The following ABCA5 variants were observed in gnomAD, a reference collection of about 807,000 sequenced individuals.
The protein encoded by ABCA5 is ATP binding cassette subfamily A member 5, also known as cholesterol transporter ABCA5.
In ABCA5, 163 loss-of-function variants were observed where a neutral mutation model predicts 206.0. The ratio of observed to expected loss-of-function variants is 0.79; its 90% CI spans 0.70 to 0.90. ABCA5 has a LOEUF of 0.90. ABCA5 is among the 40% of genes least tolerant of loss of function. ABCA5 has a pLI of 0.00. For missense variants in ABCA5, 1,859 were observed against 1,912.9 expected (o/e 0.97, Z 0.53); for synonymous variants, 609 against 613.8 (o/e 0.99, Z 0.11).
chr17:69,294,153 T>C (rs2075559977), intron 11 of ABCA5, among the ~76,000 whole-genome samples: 1 of 152,222 alleles, frequency 6.6e-6, no homozygotes, highest in South Asian at 2.1e-4. Context: ...TAATAGATAC[T>C]ACATTTTACT....
rs753911623 is a variant in ABCA5, at chr17:69,304,754, G to T, written c.845C>A (p.Ala282Glu). 3.7e-6 allele frequency: 6 copies of T among 1,608,516 alleles called. No individual in the cohort carries two copies. The East Asian group carries it at 1.1e-4, about 30-fold the overall frequency. The change falls in exon 7 of 39, where the codon GCA (alanine) becomes GAA (glutamate). Residue 282 changes from alanine to glutamate, a missense_variant. By Grantham distance (107) the Ala-to-Glu change is moderately radical. Transcript: ENST00000392676. ...TAACAAAGAAGCTGTCGCAATGACT[G>T]CCATAAGAAGGGACATAAGAAAAAT... ...SLIFLMSLLM[A>E]VIATASLLFP...
At chr17:69,316,009 T>C (rs2075812807) in intron 1 of ABCA5, among the ~76,000 whole-genome samples, 1 of 151,398 alleles carries the variant, frequency 6.6e-6, no homozygotes, top group African/African-American at 2.4e-5. Flanking sequence ...AAAAACACAA[T>C]AAGAAATAAA....
intron 20 of ABCA5, 144 bp from the exon 21 acceptor site, chr17:69,271,433 A>G: frequency 1.1e-6 from 1 of 911,912 alleles, no homozygotes; most frequent in Non-Finnish European, 1.6e-6. Flanking sequence ...GAAGCCAGTC[A>G]GCCTGGTTTT....
chr17:69,274,069 G>A lies in ABCA5; in HGVS notation c.2654C>T (p.Ser885Phe), dbSNP rs1025689034. Reference sequence around the variant, plus strand: ...GATGGGAACCACAGCATTTTTAAAAGAGTGATGAACCAAAAACATAAAAAT... The same window carrying A: ...GATGGGAACCACAGCATTTTTAAAAAAGTGATGAACCAAAAACATAAAAAT... The part of the protein sequence containing the change: ...VQIFMFLVHH[S>F]FKNAVVPIKL... Residue 885 changes from serine to phenylalanine, a missense_variant, in exon 20 of 39, where the codon TCT becomes TTT. Transcript: ENST00000392676. 6.2e-7 allele frequency: 1 copy of A among 1,605,764 alleles called. No homozygotes were observed. The highest frequency in any genetic ancestry group is 1.3e-5 in the African/African-American group (1 of 74,242).
rs1316372449 is a variant in ABCA5 at position 69,286,223 on chromosome 17, C to G, written c.2130G>C (p.Leu710=). The stretch of plus-strand genomic sequence containing the variant: ...ATGTCAATAAAAATGAATGATACCT[C>G]AGGCGGTAGCCGATCCCCCATTTAC... ...LKSKWGIGYR[L]SMYIDKYCAT... The change falls in exon 16 of 39, where the codon CTG becomes CTC. Residue 710 remains leucine (L), a splice_region_variant and synonymous_variant. Transcript: ENST00000392676. 3 of 1,602,078 alleles carry G rather than the reference C, an allele frequency of 1.9e-6. No individual in the cohort carries two copies. The highest frequency in any genetic ancestry group is 2.3e-5 in the South Asian group (2 of 88,384).
At chr17:69,303,246 T>C (rs979808748) in intron 7 of ABCA5, among the ~76,000 whole-genome samples, 2 of 152,128 alleles carry the variant, frequency 1.3e-5, no homozygotes, top group African/African-American at 2.4e-5. Context: ...GCCTCCCGTG[T>C]AGCTGGGATT....
At chr17:69,267,414 A>G (rs971838564) in intron 23 of ABCA5, among the ~76,000 whole-genome samples, 2 of 152,218 alleles carry the variant, frequency 1.3e-5, no homozygotes, top group Non-Finnish European at 2.9e-5. Flanking sequence ...AGGCGTAAAA[A>G]GAAAGTGAAA....
intron 21 of ABCA5, 132 bp from the exon 22 acceptor site, chr17:69,270,882 T>C: frequency 1.2e-6 from 1 of 847,378 alleles, no homozygotes; most frequent in South Asian, 2.4e-5. Context: ...ACAGAAATAA[T>C]ACTCAATGAC....
intron 11 of ABCA5, 146 bp from the exon 12 acceptor site, chr17:69,291,472 C>T: frequency 2.1e-6 from 1 of 470,758 alleles, no homozygotes; most frequent in Non-Finnish European, 3.7e-6. Flanking sequence ...GCAGGTAAAA[C>T]AGCTTCTTTG....
chr17:69,277,119 G>A (rs2075341190), intron 19 of ABCA5, among the ~76,000 whole-genome samples: 1 of 152,116 alleles, frequency 6.6e-6, no homozygotes, highest in South Asian at 2.1e-4. Flanking sequence ...AACTTGAGAT[G>A]TCATTTTGAT....
chr17:69,273,456 T>TATTTATTTATTTATTTATTTATTTATTG, intron 20 of ABCA5, among the ~76,000 whole-genome samples: 1 of 150,676 alleles, frequency 6.6e-6, no homozygotes, highest in Admixed American at 6.6e-5. Flanking sequence ...ACTATTTATT[T>TATTTATTTATTTATTTATTTATTTATTG]ATTTATTTAT....
chr17:69,290,077 T>G, intron 12 of ABCA5, 40 bp from the exon 13 acceptor site: 1 of 1,315,598 alleles, frequency 7.6e-7, no homozygotes, highest in Non-Finnish European at 1.0e-6. Flanking sequence ...ATTAATTATT[T>G]TATAATGTGT....
Position 69,284,042 on chromosome 17 carries a change from T to C in ABCA5, c.2303A>G (p.Asn768Ser), listed in dbSNP as rs761146694. ...AACACCATAAGAAATGACACCCAAA[T>C]TTGAATGACTGTCTAGGGCAGAAAA... ...GLFSALDSHS[N>S]LGVISYGVSM... The change falls in exon 18 of 39, where the codon AAT becomes AGT. Residue 768 changes from asparagine (N) to serine (S), a missense_variant. Coordinates refer to ENST00000392676, the MANE Select transcript of ABCA5 (RefSeq NM_172232.4). The C allele has an allele frequency of 2.5e-6, 4 of 1,605,718 alleles. No individual in the cohort carries two copies. The African/African-American group carries it at 4.0e-5, about 16-fold the overall frequency.
At chr17:69,288,289 A>G (rs955515674) in intron 14 of ABCA5, among the ~76,000 whole-genome samples, 7 of 152,268 alleles carry the variant, frequency 4.6e-5, no homozygotes, top group African/African-American at 1.7e-4. Flanking sequence ...TCCTAGCTGC[A>G]TGCATGCACC....
rs546921801 is a variant in ABCA5 at position 69,284,176 on chromosome 17, T to C, written c.2273-104A>G. ...GTTCATGAACAGCCTGTGAAACATA[T>C]CATGACCCATCTCTACAAAAAATAA... is the stretch of plus-strand genomic sequence containing the variant. On this transcript the variant is annotated intron_variant, in intron 17 of 38. Coordinates refer to ENST00000392676, the MANE Select transcript of ABCA5 (RefSeq NM_172232.4). 3.5e-6 allele frequency: 3 copies of C among 860,802 alleles called. No homozygotes were observed. In the South Asian group the frequency reaches 7.4e-5, roughly 21 times the overall value. The allele number at this position is 860,802 out of a possible 1,614,324, so 53.3% of individuals were successfully genotyped here.
At chr17:69,309,447 G>T in intron 3 of ABCA5, 24 bp from the exon 4 acceptor site, 2 of 1,454,378 alleles carry the variant, frequency 1.4e-6, no homozygotes, top group Non-Finnish European at 1.8e-6. Flanking sequence ...TAACAATATA[G>T]TTAGCTCACA....
At chr17:69,252,214 C>T (rs1229825495) in intron 34 of ABCA5, among the ~76,000 whole-genome samples, 1 of 151,930 alleles carries the variant, frequency 6.6e-6, no homozygotes, top group Non-Finnish European at 1.5e-5. Flanking sequence ...CGGGGTTTCA[C>T]CGTGTTAGCC....
At chr17:69,286,630 A>T (rs2075456860) in intron 15 of ABCA5, among the ~76,000 whole-genome samples, 1 of 152,250 alleles carries the variant, frequency 6.6e-6, no homozygotes, top group South Asian at 2.1e-4. Flanking sequence ...AAGGCTTACC[A>T]ATACAAGCAC....
At chr17:69,299,103 A>G (rs2075622693) in intron 9 of ABCA5, among the ~76,000 whole-genome samples, 2 of 152,338 alleles carry the variant, frequency 1.3e-5, no homozygotes, top group Non-Finnish European at 2.9e-5. Context: ...TCAGATCAAA[A>G]CCACAATGTG....
Sources: gnomAD v4.1 joint callset for allele counts (sites outside exome capture counted in the v4.1 genomes callset) on GRCh38, gnomAD v4.1.1 for gene constraint, MANE v1.5 for transcripts, NCBI Gene and HGNC (gene_info 2026-07-23, HGNC 2026-07-21) for gene names.